Variants in MRTFA observed in about 807,000 individuals in gnomAD.
MRTFA encodes myocardin related transcription factor A, also known as myocardin-related transcription factor A.
A neutral mutation model predicts 83.5 loss-of-function variants in MRTFA; 20 were observed. The observed-to-expected ratio is 0.24, with a 90% confidence interval of 0.17 to 0.35. MRTFA has a LOEUF of 0.35. MRTFA is among the 10% of genes least tolerant of loss of function. MRTFA has a pLI of 1.00. For synonymous variants in MRTFA, 659 were observed against 541.2 expected, an observed-to-expected ratio of 1.22 and a Z score of -3.02; for missense variants, 1,200 against 1,224.7, an observed-to-expected ratio of 0.98 and a Z score of 0.30.
intron 1 of MRTFA, among the ~76,000 whole-genome samples, chr22:40,610,007 T>A (rs1052006769): frequency 6.6e-6 from 1 of 151,242 alleles, no homozygotes; most frequent in African/African-American, 2.4e-5. Context: ...AGATTACACA[T>A]ACATGCAATT....
chr22:40,576,356 T>C (rs111679779), intron 2 of MRTFA, among the ~76,000 whole-genome samples: 23 of 152,344 alleles, frequency 1.5e-4, no homozygotes, highest in African/African-American at 5.3e-4. Context: ...TTTTAAGTTA[T>C]TCATCTCAGT....
chr22:40,412,509 T>C (rs2052580498), intron 14 of MRTFA: 1 of 152,148 alleles, frequency 6.6e-6, no homozygotes, highest in Non-Finnish European at 1.5e-5. Flanking sequence ...GGAAGCAGGG[T>C]CTCAGGTATT....
intron 5 of MRTFA, 87 bp from the exon 6 acceptor site, chr22:40,431,567 G>T: frequency 7.8e-7 from 1 of 1,275,900 alleles, no homozygotes; most frequent in Non-Finnish European, 1.1e-6. Context: ...CTTGGCCATG[G>T]TAGCTGCTGA....
At chr22:40,451,526 G>A (rs894325199) in intron 4 of MRTFA, among the ~76,000 whole-genome samples, 15 of 152,164 alleles carry the variant, frequency 9.9e-5, no homozygotes, top group African/African-American at 2.7e-4. Context: ...AAGTGGAGAC[G>A]CAGGATGCTC....
chr22:40,462,954 G>A (rs1049571261), intron 4 of MRTFA, among the ~76,000 whole-genome samples: 4 of 152,180 alleles, frequency 2.6e-5, no homozygotes, highest in Admixed American at 1.3e-4. Context: ...CAATTCCAAA[G>A]TAAAGGAAAA....
intron 4 of MRTFA, among the ~76,000 whole-genome samples, chr22:40,440,151 CAAAAAAAAAAA>C (rs376161982): frequency 7.1e-5 from 5 of 70,796 alleles, no homozygotes; most frequent in Non-Finnish European, 1.5e-4. Flanking sequence ...GACTCCGTCT[CAAAAAAAAAAA>C]AAAAAAAAAG....
At chr22:40,420,294 T>C (rs2052801093) in intron 11 of MRTFA, 111 bp downstream of exon 11, 1 of 1,276,338 alleles carries the variant, frequency 7.8e-7, no homozygotes, top group Non-Finnish European at 1.1e-6. Context: ...CTGCTTTCCA[T>C]GACGGTGGGT....
Position 40,417,568 on chromosome 22 carries a change from G to A in MRTFA, c.2365-75C>T, listed in dbSNP as rs1401416901. ...AGACCTGCCTTGTAGGGGGCGGGGG[G>A]CGGGGATAGGGCCAGGGCCTCTCAC... On this transcript the variant is annotated intron_variant, in intron 12 of 14. Transcript: ENST00000355630. The A allele has an allele frequency of 3.6e-5, 12 of 337,336 alleles. 1 individual carries two copies. The highest frequency in any genetic ancestry group is 6.4e-5 in the Non-Finnish European group (11 of 171,474). 20.9% of individuals were successfully genotyped at this position (337,336 alleles called of 1,614,324 possible).
intron 3 of MRTFA, among the ~76,000 whole-genome samples, chr22:40,472,776 T>C (rs1040005050): frequency 2.6e-5 from 4 of 152,122 alleles, no homozygotes; most frequent in Non-Finnish European, 5.9e-5. Context: ...GCATCTTAGC[T>C]ATGGACCTCC....
chr22:40,601,815 AAT>A (rs2056262332), intron 1 of MRTFA, among the ~76,000 whole-genome samples: 1 of 152,180 alleles, frequency 6.6e-6, no homozygotes, highest in South Asian at 2.1e-4. Context: ...AAATTAAATA[AAT>A]AATATAAAGC....
chr22:40,513,692 A>G (rs1211447977), intron 3 of MRTFA, among the ~76,000 whole-genome samples: 1 of 152,134 alleles, frequency 6.6e-6, no homozygotes, highest in Non-Finnish European at 1.5e-5. Flanking sequence ...AATATGCCAC[A>G]ATGATCTCCA....
intron 3 of MRTFA, among the ~76,000 whole-genome samples, chr22:40,511,318 G>A (rs750132250): frequency 6.6e-6 from 1 of 152,138 alleles, no homozygotes; most frequent in African/African-American, 2.4e-5. Context: ...TTCTGGCTAG[G>A]GCAACTGGCA....
intron 1 of MRTFA, among the ~76,000 whole-genome samples, chr22:40,620,380 T>C (rs1386388039): frequency 6.7e-6 from 1 of 148,576 alleles, no homozygotes; most frequent in Non-Finnish European, 1.5e-5. Flanking sequence ...CGTCTCAACC[T>C]CCCAAAGTGC....
chr22:40,598,588 T>C (rs952494673), intron 1 of MRTFA, among the ~76,000 whole-genome samples: 1 of 152,166 alleles, frequency 6.6e-6, no homozygotes, highest in Non-Finnish European at 1.5e-5. Context: ...CTAAACACAC[T>C]GTTTTTGAAA....
intron 2 of MRTFA, among the ~76,000 whole-genome samples, chr22:40,562,635 GA>G (rs1331283098): frequency 1.5e-5 from 1 of 68,296 alleles, no homozygotes; most frequent in Non-Finnish European, 3.0e-5. Context: ...GAGGAAGGGG[GA>G]AAGGGGGGGA....
At chr22:40,499,578 A>G (rs1357580464) in intron 3 of MRTFA, among the ~76,000 whole-genome samples, 1 of 152,204 alleles carries the variant, frequency 6.6e-6, no homozygotes, top group Non-Finnish European at 1.5e-5. Context: ...TAAAATTTTA[A>G]TACCTCCTTA....
chr22:40,599,943 G>A, intron 1 of MRTFA, among the ~76,000 whole-genome samples: 2 of 145,368 alleles, frequency 1.4e-5, no homozygotes, highest in Admixed American at 6.9e-5. Context: ...AACAAAAATG[G>A]AATGAAGAGG....
At chr22:40,492,982 G>A (rs554203283) in intron 3 of MRTFA, among the ~76,000 whole-genome samples, 5 of 152,304 alleles carry the variant, frequency 3.3e-5, no homozygotes, top group South Asian at 2.1e-4. Flanking sequence ...TTAAGATGCT[G>A]GCTAGAGTCA....
At chr22:40,447,420 C>A (rs1365845206) in intron 4 of MRTFA, among the ~76,000 whole-genome samples, 2 of 151,738 alleles carry the variant, frequency 1.3e-5, no homozygotes, top group African/African-American at 4.8e-5. Flanking sequence ...GTGAGCCCTG[C>A]AGTCCTCTGG....
Sources: gnomAD v4.1 joint callset for allele counts (sites outside exome capture counted in the v4.1 genomes callset) on GRCh38, gnomAD v4.1.1 for gene constraint, MANE v1.5 for transcripts, NCBI Gene and HGNC (gene_info 2026-07-23, HGNC 2026-07-21) for gene names.